Variants in COMMD1 observed in about 807,000 individuals in gnomAD.
The protein encoded by COMMD1 is copper metabolism domain containing 1, also known as COMM domain-containing protein 1.
In COMMD1, 10 loss-of-function variants were observed where a neutral mutation model predicts 17.2. The ratio of observed to expected loss-of-function variants is 0.58; its 90% CI spans 0.36 to 0.99. The LOEUF is 0.99. COMMD1 is among the 50% of genes least tolerant of loss of function. The pLI, the probability that COMMD1 is intolerant of heterozygous loss-of-function variation, is 0.01. For missense variants in COMMD1, 270 were observed against 231.8 expected (o/e 1.17, Z -1.07); for synonymous variants, 97 against 91.6 (o/e 1.06, Z -0.34).
intron 2 of COMMD1, among the ~76,000 whole-genome samples, chr2:62,094,329 G>A (rs966737662): frequency 1.3e-5 from 2 of 152,154 alleles, no homozygotes; most frequent in African/African-American, 4.8e-5. Flanking sequence ...GGGCATAGAC[G>A]GTCAGAGGGG....
At position 61,982,329 on chromosome 2, in the gene COMMD1, G is replaced by A. The variant is rs750029528; in HGVS notation, c.181-18372G>A. 1.3e-4 allele frequency among the ~76,000 whole-genome samples: 19 copies of A among 151,958 alleles called. 1 individual carries two copies. The highest frequency in any genetic ancestry group is 2.6e-4 in the Non-Finnish European group (18 of 67,994). ...GCATATAGAAATACTGCTGATTTTC[G>A]TATGTTAATTTTGTATCATGCAACT... On this transcript the variant is annotated intron_variant, in intron 1 of 2. Coordinates refer to ENST00000311832, the MANE Select transcript of COMMD1 (RefSeq NM_152516.4).
intron 2 of COMMD1, among the ~76,000 whole-genome samples, chr2:62,045,106 C>A (rs115320559): frequency 6.6e-6 from 1 of 152,074 alleles, no homozygotes; most frequent in African/African-American, 2.4e-5. Context: ...CAAAGGCCTG[C>A]AGGTTAGGGT....
intron 2 of COMMD1, among the ~76,000 whole-genome samples, chr2:62,064,309 G>C (rs1670964781): frequency 6.6e-6 from 1 of 152,040 alleles, no homozygotes; most frequent in African/African-American, 2.4e-5. Flanking sequence ...AAGTAGCAGG[G>C]ATTACAGGTA....
chr2:61,890,738 A>T (rs1441908706), intron 1 of COMMD1, among the ~76,000 whole-genome samples: 1 of 151,098 alleles, frequency 6.6e-6, no homozygotes, highest in Non-Finnish European at 1.5e-5. Flanking sequence ...GAGGCAGGAG[A>T]ATCCCTTGAA....
chr2:61,946,500 A>G (rs990228068), intron 1 of COMMD1, among the ~76,000 whole-genome samples: 1 of 152,192 alleles, frequency 6.6e-6, no homozygotes, highest in African/African-American at 2.4e-5. Flanking sequence ...TTTGTTTCCT[A>G]GGCAGATTAC....
At chr2:62,007,252 C>G (rs1409095508) in intron 2 of COMMD1, among the ~76,000 whole-genome samples, 2 of 151,840 alleles carry the variant, frequency 1.3e-5, no homozygotes, top group South Asian at 2.1e-4. Context: ...ATTTTCTGAT[C>G]TAGTTGTTTT....
At chr2:61,951,594 C>A (rs182759762) in intron 1 of COMMD1, among the ~76,000 whole-genome samples, 1 of 152,188 alleles carries the variant, frequency 6.6e-6, no homozygotes, top group East Asian at 1.9e-4. Context: ...AAAACTCTTA[C>A]CTGGGACTTT....
intron 2 of COMMD1, among the ~76,000 whole-genome samples, chr2:62,066,356 A>T (rs182699390): frequency 6.6e-6 from 1 of 152,194 alleles, no homozygotes; most frequent in East Asian, 1.9e-4. Flanking sequence ...CTAAACTCCC[A>T]GGGAAAAATG....
intron 2 of COMMD1, among the ~76,000 whole-genome samples, chr2:62,005,682 A>G (rs1450673672): frequency 1.3e-5 from 2 of 152,162 alleles, no homozygotes; most frequent in Non-Finnish European, 2.9e-5. Flanking sequence ...AATCATTAAA[A>G]AGTCAGGAAA....
chr2:62,086,998 A>G (rs1445128189), intron 2 of COMMD1, among the ~76,000 whole-genome samples: 3 of 151,768 alleles, frequency 2.0e-5, no homozygotes, highest in Non-Finnish European at 4.4e-5. Flanking sequence ...TAATTTTTGT[A>G]TTTTTAGTAG....
At chr2:62,071,284 T>C (rs1215196137) in intron 2 of COMMD1, among the ~76,000 whole-genome samples, 5 of 152,198 alleles carry the variant, frequency 3.3e-5, no homozygotes, top group Admixed American at 6.5e-5. Flanking sequence ...TCTTTTAGTA[T>C]GCTAATACAT....
At chr2:62,126,592 C>T (rs1468625098) in intron 2 of COMMD1, among the ~76,000 whole-genome samples, 1 of 152,192 alleles carries the variant, frequency 6.6e-6, no homozygotes, top group Non-Finnish European at 1.5e-5. Context: ...TGTTCATGTC[C>T]TTTGCCCACT....
chr2:62,123,437 G>T (rs895611015), intron 2 of COMMD1, among the ~76,000 whole-genome samples: 1 of 150,614 alleles, frequency 6.6e-6, no homozygotes, highest in East Asian at 1.9e-4. Context: ...CCCGGGAGGC[G>T]GAGGGTGTAG....
At chr2:61,985,089 C>T (rs1329845182) in intron 1 of COMMD1, among the ~76,000 whole-genome samples, 5 of 147,168 alleles carry the variant, frequency 3.4e-5, no homozygotes, top group Non-Finnish European at 7.4e-5. Flanking sequence ...CTCGCTCTGT[C>T]GCCCAGGCTG....
At chr2:62,130,938 G>A (rs996524790) in intron 2 of COMMD1, among the ~76,000 whole-genome samples, 2 of 152,212 alleles carry the variant, frequency 1.3e-5, no homozygotes, top group South Asian at 4.1e-4. Context: ...GTGAGTTAAA[G>A]CTAAAGCATT....
intron 2 of COMMD1, among the ~76,000 whole-genome samples, chr2:62,126,015 G>T (rs981012588): frequency 6.6e-6 from 1 of 152,154 alleles, no homozygotes; most frequent in Non-Finnish European, 1.5e-5. Flanking sequence ...GTGAGAACAT[G>T]TGGTGTTTGG....
intron 2 of COMMD1, among the ~76,000 whole-genome samples, chr2:62,033,367 G>C (rs1669960720): frequency 6.6e-6 from 1 of 152,164 alleles, no homozygotes; most frequent in Non-Finnish European, 1.5e-5. Context: ...CTCAGTTAAT[G>C]AACAAAGGCA....
At chr2:62,086,400 G>A (rs973987573) in intron 2 of COMMD1, among the ~76,000 whole-genome samples, 6 of 150,646 alleles carry the variant, frequency 4.0e-5, no homozygotes, top group East Asian at 4.0e-4. Context: ...AGTCCCAGCT[G>A]CTGGGAAGGC....
At chr2:62,083,456 T>C (rs1671580555) in intron 2 of COMMD1, among the ~76,000 whole-genome samples, 2 of 152,246 alleles carry the variant, frequency 1.3e-5, no homozygotes, top group Non-Finnish European at 2.9e-5. Flanking sequence ...GACTTGCCCA[T>C]GGGCTGAAGT....
Sources: gnomAD v4.1 joint callset for allele counts (sites outside exome capture counted in the v4.1 genomes callset) on GRCh38, gnomAD v4.1.1 for gene constraint, MANE v1.5 for transcripts, NCBI Gene and HGNC (gene_info 2026-07-23, HGNC 2026-07-21) for gene names.